LY96: variants seen among roughly 807,000 people sequenced by gnomAD.
LY96 encodes lymphocyte antigen 96, also known as myeloid differentiation protein-2.
A neutral mutation model predicts 18.9 loss-of-function variants in LY96; 18 were observed. That is an observed-to-expected ratio of 0.95 (90% CI 0.66 to 1.41). The LOEUF (loss-of-function observed/expected upper bound fraction) is 1.41, where lower values mean the gene tolerates loss of function less well. Ranked by LOEUF, LY96 falls within the 40% of genes most tolerant of loss-of-function variation. LY96 has a pLI of 0.00. For missense variants in LY96, 175 were observed against 182.4 expected (o/e 0.96, Z 0.23); for synonymous variants, 66 against 62.6 (o/e 1.06, Z -0.26).
chr8:74,026,757 A>C (rs368473265), intron 3 of LY96, 32 bp from the exon 4 acceptor site: 36 of 1,295,734 alleles, frequency 2.8e-5, no homozygotes, highest in Non-Finnish European at 2.6e-5. Context: ...ACCGTGACCA[A>C]TAACGTTTTG....
At chr8:74,090,454 T>A in the LY96 span, among the ~76,000 whole-genome samples, 1 of 152,214 alleles carries the variant, frequency 6.6e-6, no homozygotes. Flanking sequence ...CTATAAGAAA[T>A]AACATTAAAA....
the LY96 span, among the ~76,000 whole-genome samples, chr8:74,097,902 A>G: frequency 6.6e-6 from 1 of 152,148 alleles, no homozygotes; most frequent in Non-Finnish European, 1.5e-5. Flanking sequence ...TTTTGACACT[A>G]TCCCTAGGTA....
chr8:74,026,721 T>C (rs1816878957), intron 3 of LY96, 68 bp from the exon 4 acceptor site: 1 of 857,032 alleles, frequency 1.2e-6, no homozygotes, highest in South Asian at 1.4e-5. Flanking sequence ...GTATACTCCA[T>C]GCTACCAAGA....
chr8:74,056,550 C>T, the LY96 span: 62 of 160,794 alleles, frequency 3.9e-4, 1 homozygote, highest in Non-Finnish European at 6.8e-4. Flanking sequence ...GGGAGCTTCA[C>T]GGTGAAGGGA....
chr8:74,047,874 GTTTTATTTTA>G, the LY96 span, among the ~76,000 whole-genome samples: 27,856 of 151,784 alleles, frequency 0.18, 2,759 homozygotes, highest in African/African-American at 0.26. Flanking sequence ...ATTTCCCACT[GTTTTATTTTA>G]TTTTATTTTA....
At chr8:74,096,910 T>TTTC in the LY96 span, among the ~76,000 whole-genome samples, 1 of 152,136 alleles carries the variant, frequency 6.6e-6, no homozygotes, top group African/African-American at 2.4e-5. Context: ...AAGAATGAAG[T>TTTC]TTCCCTGGGG....
chr8:74,069,079 C>A, the LY96 span, among the ~76,000 whole-genome samples: 1,372 of 152,262 alleles, frequency 9.0e-3, 24 homozygotes, highest in African/African-American at 0.031. Context: ...AGCCATTGCG[C>A]CTGGCCAGAG....
chr8:74,067,522 T>TG, the LY96 span, among the ~76,000 whole-genome samples: 1 of 151,704 alleles, frequency 6.6e-6, no homozygotes, highest in South Asian at 2.1e-4. Flanking sequence ...ATGTGTTTTT[T>TG]TTGTTGTTGT....
the LY96 span, among the ~76,000 whole-genome samples, chr8:74,097,723 AATAAG>A: frequency 0.023 from 2,943 of 128,990 alleles, 80 homozygotes; most frequent in African/African-American, 0.085. Flanking sequence ...TAAATAAATA[AATAAG>A]TAAATAAATA....
At chr8:74,076,880 A>C in the LY96 span, among the ~76,000 whole-genome samples, 2 of 152,142 alleles carry the variant, frequency 1.3e-5, no homozygotes, top group Non-Finnish European at 2.9e-5. Flanking sequence ...AGATCCCATA[A>C]GTTAAAGGGC....
the LY96 span, among the ~76,000 whole-genome samples, chr8:74,076,377 G>A: frequency 6.6e-6 from 1 of 151,498 alleles, no homozygotes; most frequent in African/African-American, 2.4e-5. Flanking sequence ...AGGCTGGAGT[G>A]CAATGGTGCA....
rs1563710943 is a variant in LY96, at chr8:74,002,093, T to TTCTTTCTTTCTTTCTCTC, written c.113-2700_113-2699insTTCTTTCTTTCTCTCTCT. On this transcript the variant is annotated intron_variant, in intron 1 of 4. Transcript: ENST00000284818. ...TTCCTTCCTTTCTTTCTTTCTTTCT[T>TTCTTTCTTTCTTTCTCTC]TCTCTCTCTCTCTCTCTCTCTCTCT... 1.3e-4 allele frequency among the ~76,000 whole-genome samples: 5 copies of TTCTTTCTTTCTTTCTCTC among 38,726 alleles called. 1 individual carries two copies. Among genetic ancestry groups the TTCTTTCTTTCTTTCTCTC allele is most frequent in the African/African-American group, 1.5e-4 (1 of 6,456 alleles). The allele number at this position is 38,726 out of a possible 152,430, so 25.4% of individuals were successfully genotyped here. A position where few individuals can be genotyped will look rare whatever the true frequency, so the allele number is the denominator to read the frequency against.
the LY96 span, among the ~76,000 whole-genome samples, chr8:74,073,130 G>A: frequency 2.6e-5 from 4 of 152,188 alleles, no homozygotes; most frequent in Non-Finnish European, 5.9e-5. Context: ...ACTGAAATCC[G>A]TGTCACGTCT....
At chr8:74,016,015 C>T (rs1485973264) in intron 3 of LY96, among the ~76,000 whole-genome samples, 1 of 152,226 alleles carries the variant, frequency 6.6e-6, no homozygotes, top group African/African-American at 2.4e-5. Flanking sequence ...ACTAGTTGGA[C>T]AGTGGGTGCA....
intron 2 of LY96, among the ~76,000 whole-genome samples, chr8:74,006,935 G>T (rs1816424439): frequency 6.6e-6 from 1 of 152,220 alleles, no homozygotes; most frequent in African/African-American, 2.4e-5. Context: ...TTTCTTGGAG[G>T]AAACGCTTGT....
chr8:74,069,894 G>A, the LY96 span, among the ~76,000 whole-genome samples: 12,497 of 152,186 alleles, frequency 0.082, 877 homozygotes, highest in African/African-American at 0.2. Flanking sequence ...AAGCCACTGT[G>A]CCCGGCCCAT....
At chr8:74,056,157 A>C in the LY96 span, 1 of 169,772 alleles carries the variant, frequency 5.9e-6, no homozygotes, top group Non-Finnish European at 1.3e-5. Flanking sequence ...GAGAATGTTC[A>C]GGACAAAAAC....
At chr8:74,086,474 C>G in the LY96 span, among the ~76,000 whole-genome samples, 4 of 152,186 alleles carry the variant, frequency 2.6e-5, no homozygotes, top group Admixed American at 1.3e-4. Flanking sequence ...TCCAATTAAT[C>G]ACGAGAATTT....
At chr8:74,020,022 G>GC (rs1388820731) in intron 3 of LY96, among the ~76,000 whole-genome samples, 2 of 152,126 alleles carry the variant, frequency 1.3e-5, no homozygotes, top group African/African-American at 4.8e-5. Flanking sequence ...AGACAGGGAT[G>GC]CCTCTCTCAC....
Sources: allele counts gnomAD v4.1 joint callset (sites outside exome capture counted in the v4.1 genomes callset), GRCh38; gene constraint gnomAD v4.1.1; transcripts MANE v1.5; gene names NCBI Gene and HGNC (gene_info 2026-07-23, HGNC 2026-07-21).